The following COL18A1 variants were observed in gnomAD, a reference collection of about 807,000 sequenced individuals.
The protein encoded by COL18A1 is collagen alpha-1(XVIII) chain.
In COL18A1, 133 loss-of-function variants were observed where a neutral mutation model predicts 168.0. That is an observed-to-expected ratio of 0.79 (90% CI 0.69 to 0.91). The LOEUF is 0.91. Among genes scored for constraint, COL18A1 ranks in the 40% least tolerant of loss-of-function variants. COL18A1 has a pLI of 0.00. For missense variants in COL18A1, 2,126 were observed against 1,925.4 expected (o/e 1.10, Z -1.95); for synonymous variants, 949 against 809.0 (o/e 1.17, Z -2.94).
chr21:45,462,740 T>A (rs1005597939), intron 2 of COL18A1, among the ~76,000 whole-genome samples: 12 of 152,224 alleles, frequency 7.9e-5, no homozygotes, highest in Non-Finnish European at 1.6e-4. Flanking sequence ...CCATCAGGTC[T>A]TTTGCAGAGA....
intron 2 of COL18A1, among the ~76,000 whole-genome samples, chr21:45,439,760 TC>T (rs1240076970): frequency 6.8e-6 from 1 of 147,124 alleles, no homozygotes; most frequent in Non-Finnish European, 1.5e-5. Flanking sequence ...GAAGTGCAGC[TC>T]GTCCTGGCGC....
intron 2 of COL18A1, among the ~76,000 whole-genome samples, chr21:45,406,132 C>T (rs1410947033): frequency 1.3e-5 from 2 of 152,232 alleles, no homozygotes; most frequent in Admixed American, 1.3e-4. Flanking sequence ...TTCCTGCCTC[C>T]AACCCCGGGA....
intron 2 of COL18A1, among the ~76,000 whole-genome samples, chr21:45,437,294 ACACACACT>A (rs1473354042): frequency 7.7e-6 from 1 of 129,944 alleles, no homozygotes; most frequent in Non-Finnish European, 1.6e-5. Flanking sequence ...TCCTGCACAC[ACACACACT>A]CACACAGGCA....
intron 2 of COL18A1, among the ~76,000 whole-genome samples, chr21:45,439,323 C>T (rs1020071175): frequency 6.6e-6 from 1 of 152,232 alleles, no homozygotes; most frequent in African/African-American, 2.4e-5. Context: ...TCCGTTTCGG[C>T]TCCTCTGGTG....
At chr21:45,475,641 C>G in intron 5 of COL18A1, 106 bp downstream of exon 5, 1 of 964,716 alleles carries the variant, frequency 1.0e-6, no homozygotes, top group Non-Finnish European at 1.6e-6. Context: ...CAAGAGCTCC[C>G]TCTATGCCAC....
chr21:45,504,236 T>TG (rs1392002889), intron 33 of COL18A1, 180 bp from the exon 34 acceptor site: 1 of 900,428 alleles, frequency 1.1e-6, no homozygotes, highest in Non-Finnish European at 1.8e-6. Context: ...GCTCAGTTTT[T>TG]GGGGGACTCG....
chr21:45,437,268 AGACACACAGG>A (rs2034150110), intron 2 of COL18A1, among the ~76,000 whole-genome samples: 1 of 120,100 alleles, frequency 8.3e-6, no homozygotes. Flanking sequence ...TCACACACTC[AGACACACAGG>A]CACTCTCCTG....
intron 37 of COL18A1, chr21:45,506,306 C>A (rs2037200772): frequency 6.2e-5 from 23 of 371,978 alleles, no homozygotes; most frequent in South Asian, 4.9e-4. Flanking sequence ...GGCAGGGGGG[C>A]TCAGGCCCTC....
intron 2 of COL18A1, among the ~76,000 whole-genome samples, chr21:45,416,420 G>A (rs575725388): frequency 5.7e-4 from 86 of 151,664 alleles, no homozygotes; most frequent in Non-Finnish European, 1.1e-3. Flanking sequence ...GTGGTGTGGG[G>A]ACCGCGAGGC....
intron 20 of COL18A1, 125 bp downstream of exon 20, chr21:45,490,471 T>C (rs2036281463): frequency 1.3e-6 from 1 of 791,102 alleles, no homozygotes; most frequent in East Asian, 2.7e-5. Context: ...CCCTCGTGGG[T>C]CCCTGGGCCT....
chr21:45,450,638 C>T (rs1247360142), intron 2 of COL18A1, among the ~76,000 whole-genome samples: 1 of 152,222 alleles, frequency 6.6e-6, no homozygotes, highest in African/African-American at 2.4e-5. Flanking sequence ...TGGCTCGGGG[C>T]AGGGCGGAGA....
At chr21:45,456,143 C>T (rs1301547757) in intron 2 of COL18A1, 2 of 1,583,696 alleles carry the variant, frequency 1.3e-6, no homozygotes, top group Admixed American at 1.7e-5. Flanking sequence ...CTGGGCACCA[C>T]TCACGGGGCC....
At chr21:45,431,187 AG>A (rs1161002755) in intron 2 of COL18A1, among the ~76,000 whole-genome samples, 2 of 152,100 alleles carry the variant, frequency 1.3e-5, no homozygotes, top group Non-Finnish European at 2.9e-5. Flanking sequence ...GTGCTCTCCA[AG>A]GGTGGGCGAC....
chr21:45,436,270 A>G (rs1397568906), intron 2 of COL18A1, among the ~76,000 whole-genome samples: 1 of 152,090 alleles, frequency 6.6e-6, no homozygotes, highest in East Asian at 1.9e-4. Context: ...AGGAGGTCCC[A>G]GGCCCAGGGA....
At chr21:45,490,442 G>T in intron 20 of COL18A1, 96 bp downstream of exon 20, 1 of 1,090,954 alleles carries the variant, frequency 9.2e-7, no homozygotes. Context: ...GCCCTCCCGG[G>T]TCCCTGGGTC....
At chr21:45,445,698 C>G (rs1018543657) in intron 2 of COL18A1, among the ~76,000 whole-genome samples, 5 of 150,356 alleles carry the variant, frequency 3.3e-5, no homozygotes, top group African/African-American at 1.2e-4. Flanking sequence ...TTCATGATGA[C>G]TGATAATGTT....
chr21:45,419,665 C>T (rs2033559668), intron 2 of COL18A1: 1 of 152,182 alleles, frequency 6.6e-6, no homozygotes, highest in Non-Finnish European at 1.5e-5. Flanking sequence ...GGATGGGCAC[C>T]ATGCTTAGGG....
At chr21:45,455,898 G>A in intron 2 of COL18A1, 1 of 1,613,086 alleles carries the variant, frequency 6.2e-7, no homozygotes, top group Non-Finnish European at 8.5e-7. Flanking sequence ...GGCATCCGGA[G>A]CTTCGTCCAG....
chr21:45,511,673 A>C (rs940510177), intron 41 of COL18A1, among the ~76,000 whole-genome samples: 1 of 151,542 alleles, frequency 6.6e-6, no homozygotes, highest in Middle Eastern at 3.2e-3. Flanking sequence ...TGCCCTCCCC[A>C]CGTGAGCGCC....
Sources: gnomAD v4.1 joint callset for allele counts (sites outside exome capture counted in the v4.1 genomes callset) on GRCh38, gnomAD v4.1.1 for gene constraint, MANE v1.5 for transcripts, NCBI Gene and HGNC (gene_info 2026-07-23, HGNC 2026-07-21) for gene names.